Variants in CADPS observed in about 807,000 individuals in gnomAD.
The protein encoded by CADPS is calcium dependent secretion activator, also known as calcium-dependent secretion activator 1.
A neutral mutation model predicts 167.3 loss-of-function variants in CADPS; 57 were observed. That is an observed-to-expected ratio of 0.34 (90% CI 0.28 to 0.42). The LOEUF is 0.42. CADPS is among the 20% of genes least tolerant of loss of function. CADPS has a pLI of 1.00. For missense variants in CADPS, 1,414 were observed against 1,738.1 expected (o/e 0.81, Z 3.32); for synonymous variants, 676 against 635.3 (o/e 1.06, Z -0.96).
chr3:62,701,873 G>T (rs11712663), intron 3 of CADPS, among the ~76,000 whole-genome samples: 12 of 152,016 alleles, frequency 7.9e-5, no homozygotes, highest in African/African-American at 2.9e-4. Context: ...AAAGGAAAAG[G>T]TTAAGCTGAA....
intron 3 of CADPS, among the ~76,000 whole-genome samples, chr3:62,681,321 T>G (rs1255765455): frequency 1.3e-5 from 2 of 152,060 alleles, no homozygotes; most frequent in African/African-American, 2.4e-5. Context: ...TAGTTTGTAA[T>G]TGTATATCTG....
chr3:62,532,210 C>T (rs774649404), intron 13 of CADPS, among the ~76,000 whole-genome samples: 2 of 152,200 alleles, frequency 1.3e-5, no homozygotes, highest in Non-Finnish European at 2.9e-5. Context: ...AGCATCACTT[C>T]CTCAGGGAGG....
intron 28 of CADPS, among the ~76,000 whole-genome samples, chr3:62,409,311 C>T (rs1221241110): frequency 6.6e-6 from 1 of 152,230 alleles, no homozygotes; most frequent in Non-Finnish European, 1.5e-5. Flanking sequence ...TCCTAGGTGT[C>T]CCTAAAGCAA....
At chr3:62,781,779 G>T (rs1460204358) in intron 1 of CADPS, among the ~76,000 whole-genome samples, 1 of 152,078 alleles carries the variant, frequency 6.6e-6, no homozygotes, top group Admixed American at 6.5e-5. Flanking sequence ...TACAAAAGCT[G>T]CACATTCCAA....
intron 2 of CADPS, among the ~76,000 whole-genome samples, chr3:62,755,139 A>G (rs80172486): frequency 0.021 from 3,163 of 152,208 alleles, 56 homozygotes; most frequent in South Asian, 0.06. Context: ...TTGGTAGCTC[A>G]AATTGTCTGA....
chr3:62,524,385 G>T (rs1222965786), intron 13 of CADPS, among the ~76,000 whole-genome samples: 1 of 152,086 alleles, frequency 6.6e-6, no homozygotes, highest in East Asian at 1.9e-4. Context: ...TCCAGCCCAT[G>T]CCCTTTTCTA....
chr3:62,681,073 T>C (rs2077085386), intron 3 of CADPS, among the ~76,000 whole-genome samples: 5 of 152,056 alleles, frequency 3.3e-5, no homozygotes, highest in Admixed American at 3.3e-4. Flanking sequence ...CTTCCCTGTC[T>C]TTGCTGACAC....
At chr3:62,583,462 A>G (rs2083894404) in intron 8 of CADPS, among the ~76,000 whole-genome samples, 1 of 152,158 alleles carries the variant, frequency 6.6e-6, no homozygotes. Context: ...CGGCATTCTA[A>G]TTTAATCGAA....
intron 1 of CADPS, among the ~76,000 whole-genome samples, chr3:62,781,896 A>C (rs1212823574): frequency 6.6e-6 from 1 of 152,348 alleles, no homozygotes; most frequent in African/African-American, 2.4e-5. Context: ...CGCTTCACTG[A>C]AATTCTTCAT....
At chr3:62,488,469 ATTATTTATTTATTTAT>A (rs760932725) in intron 21 of CADPS, among the ~76,000 whole-genome samples, 3 of 150,404 alleles carry the variant, frequency 2.0e-5, no homozygotes. Flanking sequence ...CACTGTTTTT[ATTATTTATTTATTTAT>A]TTATTTATTT....
intron 3 of CADPS, among the ~76,000 whole-genome samples, chr3:62,731,649 G>T (rs1180010640): frequency 1.3e-5 from 2 of 151,716 alleles, no homozygotes; most frequent in Non-Finnish European, 2.9e-5. Context: ...ATTTTACAAA[G>T]CAAATAAATT....
intron 1 of CADPS, among the ~76,000 whole-genome samples, chr3:62,855,673 A>T (rs2153139415): frequency 6.6e-6 from 1 of 152,276 alleles, no homozygotes; most frequent in Admixed American, 6.5e-5. Context: ...TCAAATGTCT[A>T]GTTTTGCTTA....
chr3:62,701,584 G>A (rs1309187732), intron 3 of CADPS, among the ~76,000 whole-genome samples: 2 of 144,816 alleles, frequency 1.4e-5, no homozygotes, highest in Non-Finnish European at 3.0e-5. Flanking sequence ...ACTCCAGCCT[G>A]GTGACAGAAC....
chr3:62,486,923 A>G (rs1576681801), intron 21 of CADPS, among the ~76,000 whole-genome samples: 1 of 152,366 alleles, frequency 6.6e-6, no homozygotes, highest in East Asian at 1.9e-4. Context: ...TTCTAGGCAA[A>G]GGGTAGTAAC....
chr3:62,471,104 G>T (rs950793385), intron 24 of CADPS, among the ~76,000 whole-genome samples: 1 of 152,140 alleles, frequency 6.6e-6, no homozygotes, highest in African/African-American at 2.4e-5. Flanking sequence ...ACTTCCCAAA[G>T]GTTGTGTGTT....
intron 28 of CADPS, among the ~76,000 whole-genome samples, chr3:62,426,390 C>T (rs1265847658): frequency 6.6e-6 from 1 of 152,114 alleles, no homozygotes; most frequent in Non-Finnish European, 1.5e-5. Context: ...ATCTCGTGAT[C>T]CACCCGCCTT....
intron 24 of CADPS, 58 bp from the exon 25 acceptor site, chr3:62,466,471 T>C: frequency 9.1e-7 from 1 of 1,104,502 alleles, no homozygotes; most frequent in South Asian, 1.3e-5. Context: ...ACTGCATCCG[T>C]CAGTAATTTT....
rs756322384 is a variant in CADPS at position 62,874,733 on chromosome 3, C to T, written c.297G>A (p.Glu99=). The T allele has an allele frequency of 4.6e-6, 7 of 1,525,236 alleles. No homozygotes were observed. The East Asian group carries it at 1.7e-4, about 38-fold the overall frequency. 94.5% of individuals were successfully genotyped at this position (1,525,236 alleles called of 1,614,324 possible). ...GCCGCTCCAACTCTTCCTTCTCCTTCTCGCTCACCACCGACGGGCTGGGGC... is the reference window on the plus strand; with the variant it reads ...GCCGCTCCAACTCTTCCTTCTCCTTTTCGCTCACCACCGACGGGCTGGGGC... ...PSSPSPSVVS[E]KEKEELERLQ... The change falls in exon 1 of 30, where the codon GAG becomes GAA. Residue 99 remains glutamate, a synonymous_variant. Coordinates refer to ENST00000383710, the MANE Select transcript of CADPS (RefSeq NM_003716.4). The surrounding 1 kb of genome is among the most constrained non-coding windows in gnomAD (Gnocchi z 7.1).
chr3:62,832,271 G>T (rs1396825040), intron 1 of CADPS, among the ~76,000 whole-genome samples: 1 of 152,178 alleles, frequency 6.6e-6, no homozygotes, highest in Non-Finnish European at 1.5e-5. Flanking sequence ...TACAGTTAAG[G>T]TTGAGAGCCA....
Sources: gnomAD v4.1 joint callset for allele counts (sites outside exome capture counted in the v4.1 genomes callset) on GRCh38, gnomAD v4.1.1 for gene constraint, Gnocchi (gnomAD v3.1) non-coding constraint, MANE v1.5 for transcripts, NCBI Gene and HGNC (gene_info 2026-07-23, HGNC 2026-07-21) for gene names.